Variants in CNGB3 observed in about 807,000 individuals in gnomAD.
CNGB3 encodes cyclic nucleotide-gated channel beta-3.
In CNGB3, 86 loss-of-function variants were observed where a neutral mutation model predicts 92.8. The ratio of observed to expected loss-of-function variants is 0.93; its 90% CI spans 0.78 to 1.11. The LOEUF (loss-of-function observed/expected upper bound fraction) is 1.11. Ranked by LOEUF, CNGB3 falls within the 50% of genes least tolerant of loss-of-function variation. The pLI is 0.00. For synonymous variants in CNGB3, 333 were observed against 332.7 expected, an observed-to-expected ratio of 1.00 and a Z score of -0.01; for missense variants, 1,026 against 956.8, an observed-to-expected ratio of 1.07 and a Z score of -0.95.
At chr8:86,648,691 G>A (rs1429494731) in intron 7 of CNGB3, among the ~76,000 whole-genome samples, 1 of 150,806 alleles carries the variant, frequency 6.6e-6, no homozygotes, top group Non-Finnish European at 1.5e-5. Flanking sequence ...ATTTTACATG[G>A]TCTTAATAGG....
At chr8:86,604,861 GAGCCAGTATAGC>G (rs1396032867) in intron 14 of CNGB3, among the ~76,000 whole-genome samples, 10 of 152,252 alleles carry the variant, frequency 6.6e-5, no homozygotes, top group Admixed American at 6.5e-4. Flanking sequence ...CTATATTCCT[GAGCCAGTATAGC>G]AGGATGTATC....
At chr8:86,579,569 C>T (rs1013370075) in intron 15 of CNGB3, among the ~76,000 whole-genome samples, 3 of 151,938 alleles carry the variant, frequency 2.0e-5, no homozygotes, top group East Asian at 1.9e-4. Context: ...TCATTTGCTC[C>T]TTCAGATCCA....
At chr8:86,734,293 G>A (rs190986758) in intron 2 of CNGB3, among the ~76,000 whole-genome samples, 2 of 152,284 alleles carry the variant, frequency 1.3e-5, no homozygotes, top group Non-Finnish European at 2.9e-5. Flanking sequence ...AAGGCTGGGG[G>A]CACCTCTGTA....
At chr8:86,580,931 G>A (rs183650767) in intron 15 of CNGB3, among the ~76,000 whole-genome samples, 4 of 152,302 alleles carry the variant, frequency 2.6e-5, no homozygotes, top group African/African-American at 9.6e-5. Context: ...CTGACCTTTG[G>A]AAGCAATGAG....
intron 6 of CNGB3, chr8:86,660,116 G>A: frequency 3.2e-6 from 1 of 314,956 alleles, no homozygotes; most frequent in South Asian, 3.5e-5. Flanking sequence ...CATGGTCTTT[G>A]CACATATCCT....
intron 3 of CNGB3, among the ~76,000 whole-genome samples, chr8:86,714,382 C>T (rs1824807794): frequency 6.6e-6 from 1 of 152,150 alleles, no homozygotes; most frequent in African/African-American, 2.4e-5. Flanking sequence ...GCAACCTCTG[C>T]CTCCTAGGTT....
chr8:86,582,929 G>A (rs189736398), intron 15 of CNGB3, among the ~76,000 whole-genome samples: 192 of 151,780 alleles, frequency 1.3e-3, no homozygotes, highest in African/African-American at 4.3e-3. Context: ...AAAATATTTT[G>A]TCATTCCTTT....
Position 86,644,668 on chromosome 8 carries a change from A to G in CNGB3, c.1009T>C (p.Phe337Leu). The G allele has an allele frequency of 6.3e-7, 1 of 1,590,606 alleles. No individual in the cohort carries two copies. The highest frequency in any genetic ancestry group is 8.6e-7 in the Non-Finnish European group (1 of 1,165,450). The part of the protein sequence containing the change: ...RMLKYTSFFE[F>L]NHHLESIMDK... The stretch of plus-strand genomic sequence containing the variant: ...ATTATAGACTCTAGGTGATGATTAA[A>G]TTCAAAAAATGAAGTGTACTATATA... The change falls in exon 9 of 18, where the codon TTT becomes CTT. Residue 337 changes from phenylalanine to leucine, a missense_variant. Phe to Leu is a conservative substitution (Grantham distance 22, BLOSUM62 0). Coordinates refer to ENST00000320005, the MANE Select transcript of CNGB3 (RefSeq NM_019098.5).
At chr8:86,705,451 T>TGTGA (rs1276247079) in intron 3 of CNGB3, among the ~76,000 whole-genome samples, 2 of 151,998 alleles carry the variant, frequency 1.3e-5, no homozygotes, top group African/African-American at 4.8e-5. Context: ...TCCTAGAACC[T>TGTGA]GTGAATATGT....
At chr8:86,611,193 G>T (rs1479368813) in intron 14 of CNGB3, among the ~76,000 whole-genome samples, 1 of 152,088 alleles carries the variant, frequency 6.6e-6, no homozygotes, top group Non-Finnish European at 1.5e-5. Flanking sequence ...ATGTGGCATT[G>T]ATTATTCACT....
chr8:86,658,377 G>T, intron 6 of CNGB3: 1 of 438,866 alleles, frequency 2.3e-6, no homozygotes, highest in Middle Eastern at 6.7e-4. Flanking sequence ...CCCATGGAGA[G>T]CCATGAGGGT....
chr8:86,621,846 G>A (rs1056778847), intron 13 of CNGB3, among the ~76,000 whole-genome samples: 29 of 152,086 alleles, frequency 1.9e-4, no homozygotes, highest in African/African-American at 7.0e-4. Flanking sequence ...GGGCAGATCA[G>A]GAGGTCAAGA....
rs147867059 is a variant in CNGB3 at position 86,604,211 on chromosome 8, C to T, written c.1663G>A (p.Gly555Arg). ...YLPGDFVCKK[G>R]EIGKEMYIIK... ...ATATACATTTCCTTGCCAATTTCTC[C>T]CTACATTTTAAATATAAAGAGGAAA... The change falls in exon 15 of 18, where the codon GGA becomes AGA. Residue 555 changes from glycine to arginine, a missense_variant and splice_region_variant. Coordinates refer to ENST00000320005, the MANE Select transcript of CNGB3 (RefSeq NM_019098.5). 1 of 1,582,360 alleles carries T rather than the reference C, an allele frequency of 6.3e-7. No individual in the cohort carries two copies. Among genetic ancestry groups the T allele is most frequent in the East Asian group, 2.2e-5 (1 of 44,688 alleles).
chr8:86,631,301 T>C (rs1173653112), intron 11 of CNGB3, among the ~76,000 whole-genome samples: 1 of 152,212 alleles, frequency 6.6e-6, no homozygotes, highest in Non-Finnish European at 1.5e-5. Flanking sequence ...GATTACACTA[T>C]GAGTAACAAG....
chr8:86,659,712 C>G, intron 6 of CNGB3: 1 of 386,006 alleles, frequency 2.6e-6, no homozygotes, highest in Non-Finnish European at 5.1e-6. Context: ...CTGTCCATAA[C>G]TCTGCCTTCT....
chr8:86,697,886 G>A (rs1824480259), intron 3 of CNGB3, among the ~76,000 whole-genome samples: 2 of 151,324 alleles, frequency 1.3e-5, no homozygotes, highest in Admixed American at 1.3e-4. Flanking sequence ...GTGAGAACAT[G>A]TGGTGTTTGG....
intron 13 of CNGB3, among the ~76,000 whole-genome samples, chr8:86,624,526 T>C (rs1278399250): frequency 6.6e-6 from 1 of 152,172 alleles, no homozygotes; most frequent in Non-Finnish European, 1.5e-5. Flanking sequence ...CTGACTACTC[T>C]TGCTTCCACC....
intron 3 of CNGB3, among the ~76,000 whole-genome samples, chr8:86,691,654 T>C (rs1337409611): frequency 6.6e-6 from 1 of 152,166 alleles, no homozygotes; most frequent in East Asian, 1.9e-4. Flanking sequence ...GCTGTATTTA[T>C]TTTGTTTACT....
At chr8:86,671,831 C>A (rs1198647335) in intron 3 of CNGB3, among the ~76,000 whole-genome samples, 2 of 152,190 alleles carry the variant, frequency 1.3e-5, no homozygotes, top group African/African-American at 4.8e-5. Flanking sequence ...TTCACCACAG[C>A]CTCCCAGTGA....
Sources: allele counts gnomAD v4.1 joint callset (sites outside exome capture counted in the v4.1 genomes callset), GRCh38; gene constraint gnomAD v4.1.1; transcripts MANE v1.5; gene names NCBI Gene and HGNC (gene_info 2026-07-23, HGNC 2026-07-21).